The following PDZD8 variants were observed in gnomAD, a reference collection of about 807,000 sequenced individuals.
The protein encoded by PDZD8 is PDZ domain containing 8.
In PDZD8, 14 loss-of-function variants were observed where a neutral mutation model predicts 85.8. The ratio of observed to expected loss-of-function variants is 0.16; its 90% confidence interval spans 0.11 to 0.26. The LOEUF is 0.26. Among genes scored for constraint, PDZD8 ranks in the 10% least tolerant of loss-of-function variants. PDZD8 has a pLI of 1.00. For missense variants in PDZD8, 1,197 were observed against 1,424.3 expected, an observed-to-expected ratio of 0.84 and a Z score of 2.57; for synonymous variants, 592 against 568.6, an observed-to-expected ratio of 1.04 and a Z score of -0.59.
In PDZD8 at chr10:117,304,556, A is replaced by G. The variant is rs181616793; in HGVS notation, c.1099-14208T>C. 1.5e-3 allele frequency among the ~76,000 whole-genome samples: 234 copies of G among 151,832 alleles called. 4 individuals carry two copies. The highest frequency in any genetic ancestry group is 5.2e-3 in the African/African-American group (217 of 41,346). Reference sequence around the variant, plus strand: ...ATGAGATTTGGAGGGGCCAGGGGGGAATGATATGGTTTGGCTGTGCCTCCA... The same window carrying G: ...ATGAGATTTGGAGGGGCCAGGGGGGGATGATATGGTTTGGCTGTGCCTCCA... On this transcript the variant is annotated intron_variant, in intron 3 of 4. Transcript: ENST00000334464.
intron 1 of PDZD8, among the ~76,000 whole-genome samples, chr10:117,343,083 G>A (rs1323684722): frequency 6.6e-6 from 1 of 151,916 alleles, no homozygotes; most frequent in Non-Finnish European, 1.5e-5. Context: ...ATCCATACCT[G>A]ACGGGATGTT....
chr10:117,353,397 G>T (rs904948327), intron 1 of PDZD8, among the ~76,000 whole-genome samples: 93 of 152,066 alleles, frequency 6.1e-4, no homozygotes, highest in African/African-American at 2.1e-3. Context: ...ACCCATATTA[G>T]TCACAATATT....
intron 2 of PDZD8, among the ~76,000 whole-genome samples, chr10:117,327,680 A>G (rs1207886670): frequency 6.6e-6 from 1 of 152,214 alleles, no homozygotes; most frequent in Non-Finnish European, 1.5e-5. Flanking sequence ...TCAATCTATA[A>G]TTAAATGTTA....
At chr10:117,295,345 G>T (rs985076323) in intron 3 of PDZD8, among the ~76,000 whole-genome samples, 3 of 152,144 alleles carry the variant, frequency 2.0e-5, no homozygotes, top group African/African-American at 4.8e-5. Flanking sequence ...CTAGAAAAAA[G>T]AAGTGGAGGC....
intron 2 of PDZD8, among the ~76,000 whole-genome samples, chr10:117,325,820 C>T (rs1232375720): frequency 1.3e-5 from 2 of 152,102 alleles, no homozygotes; most frequent in Admixed American, 6.6e-5. Flanking sequence ...CCTCCTGATA[C>T]GGTTTGGCTC....
Position 117,278,493 on chromosome 10 carries a change from G to C in PDZD8, c.*4775C>G, listed in dbSNP as rs1402810501. The C allele has an allele frequency of 6.6e-6, 1 of 152,190 alleles. No individual in the cohort carries two copies. The highest frequency in any genetic ancestry group is 2.4e-5 in the African/African-American group (1 of 41,444). 9.4% of individuals were successfully genotyped at this position (152,190 alleles called of 1,614,324 possible). The stretch of plus-strand genomic sequence containing the variant: ...ATTGATGTGCCTTTTCAGTGTAACA[G>C]CAAATACTGTTAGTGAACATTGTCA... On this transcript the variant is annotated 3_prime_UTR_variant, in exon 5 of 5. Coordinates refer to ENST00000334464, the MANE Select transcript of PDZD8 (RefSeq NM_173791.5).
chr10:117,361,257 T>A (rs973108115), intron 1 of PDZD8, among the ~76,000 whole-genome samples: 14 of 152,138 alleles, frequency 9.2e-5, no homozygotes, highest in African/African-American at 2.9e-4. Flanking sequence ...AATTTTTTTT[T>A]AAATTCTAAG....
intron 2 of PDZD8, among the ~76,000 whole-genome samples, chr10:117,328,622 T>C (rs1442787692): frequency 6.6e-6 from 1 of 152,146 alleles, no homozygotes; most frequent in Non-Finnish European, 1.5e-5. Context: ...CTCACTATGT[T>C]GCCTCAAACT....
chr10:117,350,705 C>T (rs1844791134), intron 1 of PDZD8, among the ~76,000 whole-genome samples: 2 of 151,052 alleles, frequency 1.3e-5, no homozygotes, highest in Admixed American at 1.3e-4. Context: ...AGATCGAGAC[C>T]ATCCTGGCTA....
At chr10:117,315,498 G>A (rs1479335071) in intron 3 of PDZD8, among the ~76,000 whole-genome samples, 2 of 150,088 alleles carry the variant, frequency 1.3e-5, no homozygotes, top group Non-Finnish European at 2.9e-5. Context: ...AGGAGGCTGA[G>A]GCAGGAGAAC....
At position 117,280,021 on chromosome 10, in the gene PDZD8, T is replaced by C. The variant is rs1235565085; in HGVS notation, c.*3247A>G. 6.6e-6 allele frequency: 1 copy of C among 152,190 alleles called. No homozygotes were observed. The highest frequency in any genetic ancestry group is 1.5e-5 in the Non-Finnish European group (1 of 68,044). The allele number at this position is 152,190 out of a possible 1,614,324, so 9.4% of individuals were successfully genotyped here. A position where few individuals can be genotyped will look rare whatever the true frequency, so the allele number is the denominator to read the frequency against. On this transcript the variant is annotated 3_prime_UTR_variant, in exon 5 of 5. Coordinates refer to ENST00000334464, the MANE Select transcript of PDZD8 (RefSeq NM_173791.5). ...ATTTATCTTATTTTTAAGAGCCAAA[T>C]ATTTCCAAATTGCTTTAAAAAAAAT...
rs970716163 is a variant in PDZD8 at position 117,281,834 on chromosome 10, G to C, written c.*1434C>G. 2.6e-5 allele frequency: 4 copies of C among 152,134 alleles called. No individual in the cohort carries two copies. The highest frequency in any genetic ancestry group is 2.6e-4 in the Admixed American group (4 of 15,268). The allele number at this position is 152,134 out of a possible 1,614,324, so 9.4% of individuals were successfully genotyped here. On this transcript the variant is annotated 3_prime_UTR_variant, in exon 5 of 5. Transcript: ENST00000334464. Reference sequence around the variant, plus strand: ...ATGCTTTTTCCTGCCAGCAATAAAAGCTGCTCCATCTAGTTTTAAACTCAT... The same window carrying C: ...ATGCTTTTTCCTGCCAGCAATAAAACCTGCTCCATCTAGTTTTAAACTCAT...
intron 3 of PDZD8, among the ~76,000 whole-genome samples, chr10:117,302,294 T>C (rs1362591217): frequency 6.6e-6 from 1 of 152,226 alleles, no homozygotes; most frequent in East Asian, 1.9e-4. Flanking sequence ...ACAAAGGAGA[T>C]ACCACATTTA....
At chr10:117,342,429 T>G (rs1935169) in intron 1 of PDZD8, among the ~76,000 whole-genome samples, 7 of 144,846 alleles carry the variant, frequency 4.8e-5, no homozygotes, top group Non-Finnish European at 7.4e-5. Context: ...CACACACACA[T>G]AGTCAAAAGT....
chr10:117,306,212 A>G lies in PDZD8; in HGVS notation c.1098+12660T>C, dbSNP rs145129419. 1.2e-4 allele frequency among the ~76,000 whole-genome samples: 19 copies of G among 152,334 alleles called. No homozygotes were observed. In the East Asian group the frequency reaches 3.7e-3, roughly 29 times the overall value. On this transcript the variant is annotated intron_variant, in intron 3 of 4. Coordinates refer to ENST00000334464, the MANE Select transcript of PDZD8 (RefSeq NM_173791.5). ...CACTGGTCACCTCATCTAAGAGACA[A>G]CAAAGATCTAGAAGTATAATATCAA...
In PDZD8 at chr10:117,284,723, C is replaced by T. The variant is rs768756914; in HGVS notation, c.2010G>A (p.Lys670=). ...DVTSETSCPT[K]DSSDDRQTWE... Reference sequence around the variant, plus strand: ...ATGTTTGACGGTCGTCCGAACTGTCCTTAGTAGGGCAGGAAGTTTCTGAAG... The same window carrying T: ...ATGTTTGACGGTCGTCCGAACTGTCTTTAGTAGGGCAGGAAGTTTCTGAAG... The change falls in exon 5 of 5, where the codon AAG becomes AAA. Residue 670 remains lysine (K), a synonymous_variant. Coordinates refer to ENST00000334464, the MANE Select transcript of PDZD8 (RefSeq NM_173791.5). 6.2e-7 allele frequency: 1 copy of T among 1,614,154 alleles called. No homozygotes were observed. Among genetic ancestry groups the T allele is most frequent in the East Asian group, 2.2e-5 (1 of 44,876 alleles).
chr10:117,303,960 G>C (rs552476199), intron 3 of PDZD8, among the ~76,000 whole-genome samples: 25 of 152,356 alleles, frequency 1.6e-4, no homozygotes, highest in Non-Finnish European at 3.1e-4. Flanking sequence ...GGGAAATGTG[G>C]GGTCAGAGCC....
intron 1 of PDZD8, among the ~76,000 whole-genome samples, chr10:117,360,937 G>A (rs752327509): frequency 1.3e-5 from 2 of 152,018 alleles, no homozygotes; most frequent in Non-Finnish European, 1.5e-5. Context: ...AAGAGCTGCT[G>A]TTCATGTAGA....
intron 2 of PDZD8, among the ~76,000 whole-genome samples, chr10:117,337,353 GACAA>G (rs1844534036): frequency 6.6e-6 from 1 of 151,992 alleles, no homozygotes; most frequent in African/African-American, 2.4e-5. Flanking sequence ...CTAGCAGTAC[GACAA>G]ACAGCCATTG....
Sources: gnomAD v4.1 joint callset for allele counts (sites outside exome capture counted in the v4.1 genomes callset) on GRCh38, gnomAD v4.1.1 for gene constraint, MANE v1.5 for transcripts, NCBI Gene and HGNC (gene_info 2026-07-23, HGNC 2026-07-21) for gene names.